The following MAP3K4 variants were observed in gnomAD, a reference collection of about 807,000 sequenced individuals.
The protein encoded by MAP3K4 is MAP three kinase 1.
In MAP3K4, 67 loss-of-function variants were observed where a neutral mutation model predicts 185.6. The observed-to-expected ratio is 0.36, with a 90% CI of 0.30 to 0.44. The LOEUF is 0.44. Ranked by LOEUF, MAP3K4 falls within the 20% of genes least tolerant of loss-of-function variation. The pLI, the probability that MAP3K4 is intolerant of heterozygous loss-of-function variation, is 1.00. For synonymous variants in MAP3K4, 702 were observed against 710.4 expected (o/e 0.99, Z 0.19); for missense variants, 1,551 against 1,995.1 (o/e 0.78, Z 4.24).
intron 3 of MAP3K4, among the ~76,000 whole-genome samples, chr6:161,069,427 C>T (rs1471350158): frequency 5.9e-5 from 9 of 152,052 alleles, no homozygotes; most frequent in Admixed American, 3.3e-4. Flanking sequence ...GCAGCATGGG[C>T]AGCGAGGCTG....
chr6:161,012,019 A>G (rs1781866527), intron 1 of MAP3K4, among the ~76,000 whole-genome samples: 1 of 152,126 alleles, frequency 6.6e-6, no homozygotes, highest in Admixed American at 6.5e-5. Context: ...TTGAGTTGGC[A>G]ATCTCCCCAC....
chr6:161,087,991 C>A lies in MAP3K4; in HGVS notation c.2823+37C>A. 1 of 1,579,554 alleles carries A rather than the reference C, an allele frequency of 6.3e-7. No individual in the cohort carries two copies. Among genetic ancestry groups the A allele is most frequent in the Non-Finnish European group, 8.6e-7 (1 of 1,167,106 alleles). ...CTCCATCTTTGCAGCAGTGTTACTT[C>A]AAGGACTTTTAGTAAGAATGAACTG... is the stretch of plus-strand genomic sequence containing the variant. On this transcript the variant is annotated intron_variant, in intron 10 of 26. Transcript: ENST00000392142. This position sits in a 1 kb window ranked among gnomAD's most constrained non-coding sequence, Gnocchi z 4.9.
chr6:161,064,429 A>G lies in MAP3K4; in HGVS notation c.1708-6179A>G, dbSNP rs1181565771. ...TATAACATACATTAGATAACCCATT[A>G]TTTTCCAACTTCTTAAACTGCTGCC... On this transcript the variant is annotated intron_variant, in intron 3 of 26. Coordinates refer to ENST00000392142, the MANE Select transcript of MAP3K4 (RefSeq NM_005922.4). The surrounding 1 kb of genome is among the most constrained non-coding windows in gnomAD (Gnocchi z 4.3). Among the ~76,000 whole-genome samples, 3 of 150,404 alleles carry G rather than the reference A, an allele frequency of 2.0e-5. No homozygotes were observed. Among genetic ancestry groups the G allele is most frequent in the African/African-American group, 7.3e-5 (3 of 41,024 alleles).
chr6:161,065,927 G>A (rs1448414944), intron 3 of MAP3K4, among the ~76,000 whole-genome samples: 2 of 62,552 alleles, frequency 3.2e-5, no homozygotes, highest in South Asian at 8.2e-4. Context: ...AAAAGAGCAA[G>A]ACTCCGTCTC....
Position 161,048,883 on chromosome 6 carries a change from T to C in MAP3K4, c.611T>C (p.Met204Thr). 1.2e-6 allele frequency: 2 copies of C among 1,614,228 alleles called. No homozygotes were observed. Among genetic ancestry groups the C allele is most frequent in the Non-Finnish European group, 1.7e-6 (2 of 1,180,040 alleles). Reference protein sequence around the residue: ...SNAKLPVSVPMPIARPARQTS... With the variant: ...SNAKLPVSVPTPIARPARQTS... ...GCTAAGCTTCCAGTATCTGTGCCCATGCCTATAGCCAGACCTGCACGCCAG... is the reference window on the plus strand; with the variant it reads ...GCTAAGCTTCCAGTATCTGTGCCCACGCCTATAGCCAGACCTGCACGCCAG... Residue 204 changes from methionine (M) to threonine (T), a missense_variant, in exon 3 of 27, where the codon ATG becomes ACG. Around this residue, in one of 16 missense-constraint regions of MAP3K4, gnomAD observed 287 missense variants for 268.8 expected, o/e 1.07. Transcript: ENST00000392142. The surrounding 1 kb of genome is among the most constrained non-coding windows in gnomAD (Gnocchi z 4.7).
intron 2 of MAP3K4, among the ~76,000 whole-genome samples, chr6:161,047,223 T>C (rs1426748303): frequency 6.7e-6 from 1 of 149,408 alleles, no homozygotes; most frequent in Non-Finnish European, 1.5e-5. Flanking sequence ...GGAGGATTGT[T>C]TGAGCCCAGG....
At chr6:161,047,425 A>C (rs1783783744) in intron 2 of MAP3K4, among the ~76,000 whole-genome samples, 1 of 152,066 alleles carries the variant, frequency 6.6e-6, no homozygotes, top group African/African-American at 2.4e-5. Context: ...AATGAAAAAT[A>C]TTGGCAAATA....
Position 161,098,124 on chromosome 6 carries a change from T to A in MAP3K4, c.3525-154T>A. 1 of 926,878 alleles carries A rather than the reference T, an allele frequency of 1.1e-6. No individual in the cohort carries two copies. The highest frequency in any genetic ancestry group is 1.6e-6 in the Non-Finnish European group (1 of 623,008). 57.4% of individuals were successfully genotyped at this position (926,878 alleles called of 1,614,324 possible). A position where few individuals can be genotyped will look rare whatever the true frequency, so the allele number is the denominator to read the frequency against. ...AGCTTTGAAGTTAGGTTTTTTCTTT[T>A]TTACACCTAGACTCAAATCTCAAAG... On this transcript the variant is annotated intron_variant, in intron 16 of 26. Coordinates refer to ENST00000392142, the MANE Select transcript of MAP3K4 (RefSeq NM_005922.4). This position sits in a 1 kb window ranked among gnomAD's most constrained non-coding sequence, Gnocchi z 4.4.
chr6:161,048,269 GTTTC>G lies in MAP3K4; in HGVS notation c.344-344_344-341del. The G allele has an allele frequency of 1.8e-6, 1 of 549,178 alleles. No homozygotes were observed. The highest frequency in any genetic ancestry group is 1.4e-5 in the South Asian group (1 of 71,588). 34.0% of individuals were successfully genotyped at this position (549,178 alleles called of 1,614,324 possible). A position where few individuals can be genotyped will look rare whatever the true frequency, so the allele number is the denominator to read the frequency against. On this transcript the variant is annotated intron_variant, in intron 2 of 26. Coordinates refer to ENST00000392142, the MANE Select transcript of MAP3K4 (RefSeq NM_005922.4). The surrounding 1 kb of genome is among the most constrained non-coding windows in gnomAD (Gnocchi z 4.7). The stretch of plus-strand genomic sequence containing the variant: ...AGGTGTCCGTCAGATCTCCCATGCT[GTTTC>G]TTCCTCCTTAAATTGAAGGTGATTA...
Position 161,056,503 on chromosome 6 carries a change from C to T in MAP3K4, c.1707+6524C>T, listed in dbSNP as rs553645166. 2.6e-5 allele frequency among the ~76,000 whole-genome samples: 4 copies of T among 152,140 alleles called. No homozygotes were observed. The highest frequency in any genetic ancestry group is 2.1e-4 in the South Asian group (1 of 4,824). ...CTCTGATTCAGCACAAGGTTCATTCCGACTTTCCTCCCTTGCTTATCTGTA... is the reference window on the plus strand; with the variant it reads ...CTCTGATTCAGCACAAGGTTCATTCTGACTTTCCTCCCTTGCTTATCTGTA... On this transcript the variant is annotated intron_variant, in intron 3 of 26. Transcript: ENST00000392142. This position sits in a 1 kb window ranked among gnomAD's most constrained non-coding sequence, Gnocchi z 5.4.
In MAP3K4 at chr6:161,101,177, CTTTATGGGTTCA is replaced by C. The variant is rs1777824496; in HGVS notation, c.3675-712_3675-701del. 1 of 152,128 alleles carries C rather than the reference CTTTATGGGTTCA, an allele frequency of 6.6e-6. No homozygotes were observed. Among genetic ancestry groups the C allele is most frequent in the African/African-American group, 2.4e-5 (1 of 41,420 alleles). 9.4% of individuals were successfully genotyped at this position (152,128 alleles called of 1,614,324 possible). On this transcript the variant is annotated intron_variant, in intron 17 of 26. Transcript: ENST00000392142. This position sits in a 1 kb window ranked among gnomAD's most constrained non-coding sequence, Gnocchi z 5.1. ...TCCCTATTTAGTTTTAATTTTTACT[CTTTATGGGTTCA>C]TTCTGGTTGCTGAACATTTCACTTT...
chr6:161,091,323 G>T lies in MAP3K4; in HGVS notation c.2974-56G>T. The T allele has an allele frequency of 7.0e-7, 1 of 1,428,326 alleles. No homozygotes were observed. The highest frequency in any genetic ancestry group is 9.6e-7 in the Non-Finnish European group (1 of 1,045,204). The allele number at this position is 1,428,326 out of a possible 1,614,324, so 88.5% of individuals were successfully genotyped here. A position where few individuals can be genotyped will look rare whatever the true frequency, so the allele number is the denominator to read the frequency against. On this transcript the variant is annotated intron_variant, in intron 11 of 26. Coordinates refer to ENST00000392142, the MANE Select transcript of MAP3K4 (RefSeq NM_005922.4). This position sits in a 1 kb window ranked among gnomAD's most constrained non-coding sequence, Gnocchi z 5.5. The stretch of plus-strand genomic sequence containing the variant: ...TGAACGAAATCTTCCTTTAAAATGT[G>T]GTAAGTATTGTATGATTTGCTTCAT...
At chr6:161,040,901 C>T (rs1450283612) in intron 2 of MAP3K4, among the ~76,000 whole-genome samples, 1 of 152,258 alleles carries the variant, frequency 6.6e-6, no homozygotes, top group Non-Finnish European at 1.5e-5. Context: ...TGATCAAACA[C>T]TGTTCTGCAT....
chr6:161,048,308 A>G lies in MAP3K4; in HGVS notation c.344-308A>G. The stretch of plus-strand genomic sequence containing the variant: ...AAATTGAAGGTGATTACTTACGGAA[A>G]TTTGGTTAAATGATTTGATAACTAT... On this transcript the variant is annotated intron_variant, in intron 2 of 26. Coordinates refer to ENST00000392142, the MANE Select transcript of MAP3K4 (RefSeq NM_005922.4). This position sits in a 1 kb window ranked among gnomAD's most constrained non-coding sequence, Gnocchi z 4.7. The G allele has an allele frequency of 5.2e-6, 3 of 577,622 alleles. 1 individual carries two copies. The highest frequency in any genetic ancestry group is 4.2e-5 in the South Asian group (3 of 71,804). The allele number at this position is 577,622 out of a possible 1,614,324, so 35.8% of individuals were successfully genotyped here. A position where few individuals can be genotyped will look rare whatever the true frequency, so the allele number is the denominator to read the frequency against.
rs954265132 is a variant in MAP3K4 at position 161,109,201 on chromosome 6, G to T, written c.4236+342G>T. Among the ~76,000 whole-genome samples, 1 of 152,006 alleles carries T rather than the reference G, an allele frequency of 6.6e-6. No homozygotes were observed. Among genetic ancestry groups the T allele is most frequent in the Non-Finnish European group, 1.5e-5 (1 of 68,010 alleles). On this transcript the variant is annotated intron_variant, in intron 22 of 26. Transcript: ENST00000392142. The surrounding 1 kb of genome is among the most constrained non-coding windows in gnomAD (Gnocchi z 5.7). ...TTGAGTACACTGTTAAGTAATACTG[G>T]TTTTTTTCTTGTATGTATTTAGGGA...
chr6:161,096,777 T>C lies in MAP3K4; in HGVS notation c.3428-303T>C, dbSNP rs2114881045. The stretch of plus-strand genomic sequence containing the variant: ...TTATTAGGGAGATACCACATTTTCA[T>C]GTATCTCTAAAATGGGTTAAATCAT... On this transcript the variant is annotated intron_variant, in intron 15 of 26. Transcript: ENST00000392142. The surrounding 1 kb of genome is among the most constrained non-coding windows in gnomAD (Gnocchi z 4.9). 4.0e-6 allele frequency: 1 copy of C among 248,380 alleles called. No individual in the cohort carries two copies. The highest frequency in any genetic ancestry group is 7.8e-6 in the Non-Finnish European group (1 of 128,206). The allele number at this position is 248,380 out of a possible 1,614,324, so 15.4% of individuals were successfully genotyped here. A position where few individuals can be genotyped will look rare whatever the true frequency, so the allele number is the denominator to read the frequency against.
intron 3 of MAP3K4, among the ~76,000 whole-genome samples, chr6:161,068,895 T>C (rs1286983036): frequency 1.3e-5 from 2 of 152,236 alleles, no homozygotes; most frequent in Non-Finnish European, 2.9e-5. Flanking sequence ...ACTCTGCAGC[T>C]GAGGCTCTTT....
At chr6:161,042,218 A>C (rs537042615) in intron 2 of MAP3K4, among the ~76,000 whole-genome samples, 1 of 152,304 alleles carries the variant, frequency 6.6e-6, no homozygotes, top group Admixed American at 6.5e-5. Flanking sequence ...CAGTGGAGAG[A>C]AGAGGCTGTG....
chr6:161,079,216 GAA>G (rs71004026), intron 5 of MAP3K4, among the ~76,000 whole-genome samples: 5 of 115,970 alleles, frequency 4.3e-5, no homozygotes, highest in Admixed American at 2.9e-4. Flanking sequence ...CCTGTCTCAA[GAA>G]AAAAAAAAAA....
Sources: allele counts gnomAD v4.1 joint callset (sites outside exome capture counted in the v4.1 genomes callset), GRCh38; gene constraint gnomAD v4.1.1; regional missense constraint gnomAD v4.1.1; non-coding constraint Gnocchi (gnomAD v3.1); transcripts MANE v1.5; gene names NCBI Gene and HGNC (gene_info 2026-07-23, HGNC 2026-07-21).